The following WDR41 variants were observed in gnomAD, a reference collection of about 807,000 sequenced individuals.
WDR41 encodes WD repeat domain 41, also known as WD repeat-containing protein 41.
A neutral mutation model predicts 69.3 loss-of-function variants in WDR41; 63 were observed. The observed-to-expected ratio is 0.91, with a 90% CI of 0.74 to 1.12. The LOEUF (loss-of-function observed/expected upper bound fraction) is 1.12. Among genes scored for constraint, WDR41 ranks in the 50% most tolerant of loss-of-function variants. The probability of loss-of-function intolerance (pLI) is 0.00; values close to 1 mark genes in which losing one functional copy is unlikely to be tolerated. For missense variants in WDR41, 543 were observed against 534.5 expected (o/e 1.02, Z -0.16); for synonymous variants, 185 against 192.1 (o/e 0.96, Z 0.31).
intron 1 of WDR41, among the ~76,000 whole-genome samples, chr5:77,610,978 A>G (rs1459977929): frequency 6.6e-6 from 1 of 152,252 alleles, no homozygotes; most frequent in African/African-American, 2.4e-5. Flanking sequence ...AAGCAACTGG[A>G]AAGCAAAAAA....
At chr5:77,487,530 C>A (rs535813920) in intron 2 of WDR41, among the ~76,000 whole-genome samples, 1 of 152,296 alleles carries the variant, frequency 6.6e-6, no homozygotes, top group African/African-American at 2.4e-5. Context: ...TGAGACAAAT[C>A]TTTTCAAGCA....
chr5:77,437,088 A>T (rs563635103), intron 11 of WDR41, among the ~76,000 whole-genome samples: 1 of 152,366 alleles, frequency 6.6e-6, no homozygotes, highest in East Asian at 1.9e-4. Flanking sequence ...TCAGATTACC[A>T]GAAAGTAAGT....
At chr5:77,586,642 G>A (rs1041662947) in intron 1 of WDR41, among the ~76,000 whole-genome samples, 2 of 150,956 alleles carry the variant, frequency 1.3e-5, no homozygotes, top group Admixed American at 6.6e-5. Context: ...TGAGAAAAAT[G>A]AGCAAGTTGC....
chr5:77,582,863 A>G (rs61080603), intron 1 of WDR41: 50,497 of 1,604,652 alleles, frequency 0.031, 2,114 homozygotes, highest in South Asian at 0.14. Context: ...GGCAAAATCA[A>G]TAAGAAGCGA....
At position 77,606,085 on chromosome 5, in the gene WDR41, T is replaced by C. The variant is rs573345920; in HGVS notation, c.42+14394A>G. On this transcript the variant is annotated intron_variant, in intron 1 of 5. Transcript: ENST00000509971. ...GTGGCCCTCCCAAGCAGAATTTGCC[T>C]TTTATACCTTCCAAGCAGAATTCAT... is the stretch of plus-strand genomic sequence containing the variant. Among the ~76,000 whole-genome samples the C allele has an allele frequency of 5.1e-4, 77 of 152,272 alleles. 1 individual carries two copies. The South Asian group carries it at 0.016, about 31-fold the overall frequency.
intron 3 of WDR41, 49 bp from the exon 4 acceptor site, chr5:77,463,275 TAATCATAAATG>T: frequency 6.5e-7 from 1 of 1,540,762 alleles, no homozygotes; most frequent in Non-Finnish European, 8.8e-7. Context: ...ACAATTTAGA[TAATCATAAATG>T]ACTACATTAA....
intron 8 of WDR41, among the ~76,000 whole-genome samples, chr5:77,443,589 AGGCAGT>A (rs1484641308): frequency 1.3e-5 from 2 of 152,192 alleles, no homozygotes; most frequent in Non-Finnish European, 2.9e-5. Context: ...GGGAAAGTTA[AGGCAGT>A]ACTCATCTTC....
chr5:77,433,472 ATT>A (rs1047040282), intron 12 of WDR41, among the ~76,000 whole-genome samples, 185 bp from the exon 13 acceptor site: 1 of 152,204 alleles, frequency 6.6e-6, no homozygotes, highest in Admixed American at 6.5e-5. Flanking sequence ...TTTAATCAGA[ATT>A]TTGTTAATAT....
At chr5:77,484,199 C>T (rs918824135) in intron 2 of WDR41, among the ~76,000 whole-genome samples, 7 of 152,168 alleles carry the variant, frequency 4.6e-5, no homozygotes, top group African/African-American at 1.7e-4. Flanking sequence ...AACCCTGCAA[C>T]ATCTTATCCA....
Position 77,545,694 on chromosome 5 carries a change from GGTT to G in WDR41, c.43-56125_43-56123del, listed in dbSNP as rs1743180664. ...CCTCTCTCAAGGATGAGGTTTTAAA[GGTT>G]ACGCCAGTGCAGAAGCAGACCCACG... On this transcript the variant is annotated intron_variant, in intron 1 of 5. Coordinates refer to the WDR41 transcript ENST00000509971. 54 of 485,262 alleles carry G rather than the reference GGTT, an allele frequency of 1.1e-4. No individual in the cohort carries two copies. The Admixed American group carries it at 1.4e-3, about 13-fold the overall frequency. 30.1% of individuals were successfully genotyped at this position (485,262 alleles called of 1,614,324 possible). A position where few individuals can be genotyped will look rare whatever the true frequency, so the allele number is the denominator to read the frequency against.
intron 2 of WDR41, among the ~76,000 whole-genome samples, chr5:77,477,341 A>G (rs1800989162): frequency 6.8e-6 from 1 of 147,810 alleles, no homozygotes; most frequent in Admixed American, 6.8e-5. Flanking sequence ...ACATCTACAG[A>G]ACTCTCCACC....
At chr5:77,518,392 T>C (rs547847899) in intron 1 of WDR41, among the ~76,000 whole-genome samples, 2 of 152,262 alleles carry the variant, frequency 1.3e-5, no homozygotes, top group South Asian at 4.1e-4. Flanking sequence ...TCCTTCTTTG[T>C]AATCACTATA....
At chr5:77,526,687 T>C (rs2112200134) in intron 1 of WDR41, among the ~76,000 whole-genome samples, 1 of 152,218 alleles carries the variant, frequency 6.6e-6, no homozygotes, top group Non-Finnish European at 1.5e-5. Flanking sequence ...AAGCTATGAC[T>C]CCCTCATTAC....
chr5:77,603,254 G>A (rs2112327533), intron 1 of WDR41, among the ~76,000 whole-genome samples: 1 of 152,228 alleles, frequency 6.6e-6, no homozygotes, highest in Non-Finnish European at 1.5e-5. Flanking sequence ...TTTAATAACA[G>A]CCATTCTAAC....
intron 1 of WDR41, among the ~76,000 whole-genome samples, chr5:77,575,336 A>G (rs959733601): frequency 2.6e-5 from 4 of 152,234 alleles, no homozygotes; most frequent in African/African-American, 9.6e-5. Flanking sequence ...TATACAGTAT[A>G]TTTGAATGTA....
At position 77,431,842 on chromosome 5, in the gene WDR41, A is replaced by AAACAACAT. The variant is rs1169011156; in HGVS notation, c.*1292_*1293insATGTTGTT. 1 of 151,510 alleles carries AAACAACAT rather than the reference A, an allele frequency of 6.6e-6. No homozygotes were observed. The highest frequency in any genetic ancestry group is 2.4e-5 in the African/African-American group (1 of 41,206). 9.4% of individuals were successfully genotyped at this position (151,510 alleles called of 1,614,324 possible). ...TTAATATTTCTCCATAGAACTTTTC[A>AAACAACAT]TGACTCAATGTTGTTTGGATTTAAA... is the stretch of plus-strand genomic sequence containing the variant. On this transcript the variant is annotated 3_prime_UTR_variant, in exon 13 of 13. Coordinates refer to ENST00000296679, the MANE Select transcript of WDR41 (RefSeq NM_018268.4).
chr5:77,441,105 C>G (rs535794008), intron 8 of WDR41, 108 bp from the exon 9 acceptor site: 26 of 1,180,226 alleles, frequency 2.2e-5, no homozygotes, highest in Non-Finnish European at 2.6e-5. Context: ...GTAATTAGAA[C>G]AGTGAGGTAC....
chr5:77,585,856 T>C (rs555603688), intron 1 of WDR41, among the ~76,000 whole-genome samples: 7 of 152,272 alleles, frequency 4.6e-5, no homozygotes, highest in African/African-American at 1.7e-4. Context: ...GATAAAATAC[T>C]ACAAATAAGG....
At chr5:77,496,058 A>G (rs1172775021), upstream of WDR41, among the ~76,000 whole-genome samples, 1 of 152,118 alleles carries the variant, frequency 6.6e-6, no homozygotes, top group Non-Finnish European at 1.5e-5. Flanking sequence ...CATTTTACAA[A>G]ATCCAACACC....
Sources: allele counts gnomAD v4.1 joint callset (sites outside exome capture counted in the v4.1 genomes callset), GRCh38; gene constraint gnomAD v4.1.1; transcripts MANE v1.5; gene names NCBI Gene and HGNC (gene_info 2026-07-23, HGNC 2026-07-21).